Variants in CDKAL1 observed in about 807,000 individuals in gnomAD.
CDKAL1 encodes the protein threonylcarbamoyladenosine tRNA methylthiotransferase.
A neutral mutation model predicts 68.2 loss-of-function variants in CDKAL1; 32 were observed. The ratio of observed to expected loss-of-function variants is 0.47; its 90% CI spans 0.35 to 0.63. The LOEUF is 0.63. Ranked by LOEUF, CDKAL1 falls within the 30% of genes least tolerant of loss-of-function variation. The pLI is 0.00. For synonymous variants in CDKAL1, 234 were observed against 244.3 expected (o/e 0.96, Z 0.39); for missense variants, 606 against 696.7 (o/e 0.87, Z 1.47).
intron 4 of CDKAL1, among the ~76,000 whole-genome samples, chr6:20,556,681 T>C (rs1327390252): frequency 6.6e-6 from 1 of 152,164 alleles, no homozygotes; most frequent in Admixed American, 6.5e-5. Flanking sequence ...TTTGTATAGC[T>C]TGTACCTGAA....
intron 4 of CDKAL1, among the ~76,000 whole-genome samples, chr6:20,587,291 T>A (rs969787088): frequency 6.6e-6 from 1 of 152,068 alleles, no homozygotes; most frequent in Admixed American, 6.5e-5. Flanking sequence ...CTGGCCTCCT[T>A]CTTTTCATTT....
chr6:20,579,123 C>G (rs984497749), intron 4 of CDKAL1, among the ~76,000 whole-genome samples: 1 of 152,096 alleles, frequency 6.6e-6, no homozygotes, highest in Non-Finnish European at 1.5e-5. Context: ...CATTACGGGC[C>G]TGCACCACCA....
intron 8 of CDKAL1, among the ~76,000 whole-genome samples, chr6:20,835,658 C>T (rs908829622): frequency 1.3e-5 from 2 of 152,102 alleles, no homozygotes; most frequent in African/African-American, 2.4e-5. Flanking sequence ...AGTGATTCTC[C>T]TGCCTCATCT....
intron 13 of CDKAL1, among the ~76,000 whole-genome samples, chr6:21,153,231 ATTTCT>A (rs1776496208): frequency 1.0e-5 from 1 of 98,908 alleles, no homozygotes; most frequent in African/African-American, 4.0e-5. Flanking sequence ...GAGGTATGTG[ATTTCT>A]TTTTTTTTTT....
At chr6:20,769,275 T>TTC (rs1242862104) in intron 7 of CDKAL1, among the ~76,000 whole-genome samples, 6 of 150,470 alleles carry the variant, frequency 4.0e-5, no homozygotes, top group Admixed American at 6.6e-5. Flanking sequence ...TTTTTTTTTT[T>TTC]CAAGACAGAG....
At chr6:20,970,495 C>T (rs1561925284) in intron 10 of CDKAL1, among the ~76,000 whole-genome samples, 2 of 152,146 alleles carry the variant, frequency 1.3e-5, no homozygotes, top group Non-Finnish European at 2.9e-5. Context: ...CTGCTGAGGT[C>T]AATAAAAATT....
chr6:21,105,232 C>G (rs1037284579), intron 12 of CDKAL1, among the ~76,000 whole-genome samples: 1 of 152,200 alleles, frequency 6.6e-6, no homozygotes, highest in African/African-American at 2.4e-5. Context: ...GCTCACAGAG[C>G]TAACATTTCA....
chr6:20,863,461 A>G (rs1038021299), intron 9 of CDKAL1, among the ~76,000 whole-genome samples: 6 of 136,724 alleles, frequency 4.4e-5, no homozygotes, highest in Admixed American at 1.5e-4. Flanking sequence ...TTAATGTTCA[A>G]TAAATGTTTT....
chr6:20,790,982 G>T (rs550517481), intron 8 of CDKAL1, among the ~76,000 whole-genome samples: 8 of 152,266 alleles, frequency 5.3e-5, no homozygotes, highest in Non-Finnish European at 7.4e-5. Flanking sequence ...GGTGGAGGAG[G>T]GGGGATCAAT....
intron 11 of CDKAL1, among the ~76,000 whole-genome samples, chr6:21,056,547 C>G (rs530201648): frequency 6.6e-6 from 1 of 152,300 alleles, no homozygotes; most frequent in South Asian, 2.1e-4. Context: ...CTGGCCAGAA[C>G]TTCCAATACT....
chr6:21,103,145 A>C (rs1483417468), intron 12 of CDKAL1, among the ~76,000 whole-genome samples: 1 of 152,226 alleles, frequency 6.6e-6, no homozygotes, highest in South Asian at 2.1e-4. Flanking sequence ...ATTTGGGAAA[A>C]CTTTAATCAA....
intron 13 of CDKAL1, among the ~76,000 whole-genome samples, chr6:21,150,010 A>G (rs897408240): frequency 2.0e-5 from 3 of 151,714 alleles, no homozygotes; most frequent in African/African-American, 7.3e-5. Flanking sequence ...GGCGCCCACC[A>G]CCACACCCGG....
chr6:20,580,732 C>T (rs946440269), intron 4 of CDKAL1, among the ~76,000 whole-genome samples: 3 of 151,744 alleles, frequency 2.0e-5, no homozygotes, highest in Non-Finnish European at 4.4e-5. Flanking sequence ...TTTTTATCAC[C>T]ATGCCATAGC....
chr6:20,998,811 G>T (rs888058626), intron 10 of CDKAL1, among the ~76,000 whole-genome samples: 1 of 152,086 alleles, frequency 6.6e-6, no homozygotes, highest in Non-Finnish European at 1.5e-5. Context: ...GTGGATAAAG[G>T]ATATCTATGA....
chr6:20,587,060 C>T (rs1231062133), intron 4 of CDKAL1, among the ~76,000 whole-genome samples: 1 of 139,902 alleles, frequency 7.1e-6, no homozygotes, highest in African/African-American at 2.7e-5. Context: ...GATCTCGGCT[C>T]ACTGCATCCT....
At chr6:21,043,101 C>G (rs1770025363) in intron 11 of CDKAL1, among the ~76,000 whole-genome samples, 1 of 152,216 alleles carries the variant, frequency 6.6e-6, no homozygotes, top group South Asian at 2.1e-4. Context: ...ACTACCAGTT[C>G]TACTGCTACT....
At chr6:20,602,056 C>T (rs367905184) in intron 4 of CDKAL1, among the ~76,000 whole-genome samples, 5 of 152,140 alleles carry the variant, frequency 3.3e-5, no homozygotes, top group African/African-American at 7.2e-5. Context: ...GTGTAAGGGA[C>T]ACTGTGCAAA....
intron 11 of CDKAL1, among the ~76,000 whole-genome samples, chr6:21,028,535 G>A (rs911162902): frequency 6.6e-6 from 1 of 152,140 alleles, no homozygotes; most frequent in African/African-American, 2.4e-5. Flanking sequence ...CTCTGTGTGT[G>A]ACATGGGGAG....
At chr6:21,132,065 CAG>C (rs1363873585) in intron 13 of CDKAL1, among the ~76,000 whole-genome samples, 14 of 151,974 alleles carry the variant, frequency 9.2e-5, no homozygotes, top group Non-Finnish European at 1.6e-4. Context: ...TTTGAGAATA[CAG>C]AGAGTTGGAT....
Sources: gnomAD v4.1 joint callset for allele counts (sites outside exome capture counted in the v4.1 genomes callset) on GRCh38, gnomAD v4.1.1 for gene constraint, MANE v1.5 for transcripts, NCBI Gene and HGNC (gene_info 2026-07-23, HGNC 2026-07-21) for gene names.